The following SLC9B1 variants were observed in gnomAD, a reference collection of about 807,000 sequenced individuals.
The protein encoded by SLC9B1 is sodium/hydrogen exchanger 9B1.
SLC9B1 carries 32 observed loss-of-function variants against 51.7 expected under a neutral mutation model. The observed-to-expected ratio is 0.62, with a 90% confidence interval of 0.47 to 0.83. SLC9B1 has a LOEUF of 0.83. Ranked by LOEUF, SLC9B1 falls within the 40% of genes least tolerant of loss-of-function variation. The pLI is 0.00. For synonymous variants in SLC9B1, 145 were observed against 212.7 expected (o/e 0.68, Z 2.77); for missense variants, 406 against 613.2 (o/e 0.66, Z 3.57).
At chr4:102,955,887 AAGAAAGAAAGAAAGAG>A (rs1200104657) in intron 3 of SLC9B1, among the ~76,000 whole-genome samples, 3,248 of 144,496 alleles carry the variant, frequency 0.022, 158 homozygotes, top group African/African-American at 0.078. Context: ...GAAAGAAAGA[AAGAAAGAAAGAAAGAG>A]AGAGAAAGAC....
At position 102,911,434 on chromosome 4, in the gene SLC9B1, G is replaced by A. The variant is rs1186397713; in HGVS notation, c.933C>T (p.Asp311=). The part of the protein sequence containing the change: ...GFFVRYFPSE[D]QKKLTLKRGF... ...ATAAAATAGATTTTGTATTTACCTG[G>A]TCTTCACTTGGAAAATATCGAACAA... The change falls in exon 8 of 12, where the codon GAC becomes GAT. Residue 311 remains aspartate, a synonymous_variant. Transcript: ENST00000296422. 8 of 1,585,618 alleles carry A rather than the reference G, an allele frequency of 5.0e-6. No individual in the cohort carries two copies. Among genetic ancestry groups the A allele is most frequent in the African/African-American group, 1.3e-5 (1 of 74,468 alleles).
At chr4:102,894,270 A>G (rs1489735370) in intron 11 of SLC9B1, among the ~76,000 whole-genome samples, 1 of 152,250 alleles carries the variant, frequency 6.6e-6, no homozygotes, top group Non-Finnish European at 1.5e-5. Context: ...AAATCATGAA[A>G]CAACGTTTCA....
At chr4:102,962,715 A>T in intron 3 of SLC9B1, 1 of 470,524 alleles carries the variant, frequency 2.1e-6, no homozygotes, top group Non-Finnish European at 4.4e-6. Flanking sequence ...AGGGAGAGGG[A>T]GGTAGGAATC....
chr4:103,001,875 A>G (rs999074190), intron 1 of SLC9B1, among the ~76,000 whole-genome samples: 2 of 152,214 alleles, frequency 1.3e-5, no homozygotes, highest in Non-Finnish European at 2.9e-5. Flanking sequence ...GGTAATTTAT[A>G]AACAAAAGAG....
At chr4:102,961,741 C>T (rs1455956683) in intron 3 of SLC9B1, among the ~76,000 whole-genome samples, 2 of 151,978 alleles carry the variant, frequency 1.3e-5, no homozygotes, top group Admixed American at 1.3e-4. Flanking sequence ...ATTTATTGTA[C>T]TTTAAGTTCT....
intron 7 of SLC9B1, among the ~76,000 whole-genome samples, chr4:102,930,411 A>C (rs1232198538): frequency 6.6e-6 from 1 of 152,154 alleles, no homozygotes; most frequent in African/African-American, 2.4e-5. Context: ...ATTAAGTATT[A>C]TTTTTTAAAT....
chr4:103,018,782 C>G (rs1056554849), intron 1 of SLC9B1, among the ~76,000 whole-genome samples: 1 of 152,196 alleles, frequency 6.6e-6, no homozygotes, highest in Non-Finnish European at 1.5e-5. Flanking sequence ...TGGTCTAAAG[C>G]AGGGATCCCC....
At chr4:103,003,857 T>C (rs1459863598) in intron 1 of SLC9B1, among the ~76,000 whole-genome samples, 1 of 152,092 alleles carries the variant, frequency 6.6e-6, no homozygotes, top group East Asian at 1.9e-4. Context: ...CCTTAAAATC[T>C]TCCAGAAATG....
chr4:102,951,560 C>G (rs1381020969), intron 3 of SLC9B1, among the ~76,000 whole-genome samples: 1 of 151,352 alleles, frequency 6.6e-6, no homozygotes, highest in African/African-American at 2.4e-5. Flanking sequence ...AATAGAACAT[C>G]TAGAAAAAAC....
intron 3 of SLC9B1, among the ~76,000 whole-genome samples, chr4:102,984,754 G>T (rs1739528162): frequency 6.6e-6 from 1 of 152,046 alleles, no homozygotes; most frequent in South Asian, 2.1e-4. Flanking sequence ...TTGAATTTTT[G>T]CCTGCTGTCT....
intron 1 of SLC9B1, among the ~76,000 whole-genome samples, chr4:103,005,790 G>T (rs1343853065): frequency 6.6e-6 from 1 of 152,012 alleles, no homozygotes; most frequent in Non-Finnish European, 1.5e-5. Flanking sequence ...ATACTAAAAA[G>T]AACTCTCAAA....
chr4:102,996,788 C>T (rs1045225993), intron 1 of SLC9B1, among the ~76,000 whole-genome samples: 13 of 151,580 alleles, frequency 8.6e-5, no homozygotes, highest in Non-Finnish European at 1.8e-4. Context: ...TATGCTAGTG[C>T]TTGTATTTTT....
intron 1 of SLC9B1, among the ~76,000 whole-genome samples, chr4:103,010,936 C>G (rs749582710): frequency 2.0e-5 from 3 of 152,196 alleles, no homozygotes; most frequent in Non-Finnish European, 4.4e-5. Flanking sequence ...GTCTTTCTCA[C>G]ATATAAAACA....
At chr4:102,924,413 G>T (rs1302165772) in intron 7 of SLC9B1, among the ~76,000 whole-genome samples, 1 of 152,030 alleles carries the variant, frequency 6.6e-6, no homozygotes, top group Non-Finnish European at 1.5e-5. Context: ...AATTCAAGAT[G>T]GATTAAAGAC....
intron 3 of SLC9B1, among the ~76,000 whole-genome samples, chr4:102,949,885 C>A (rs1280033922): frequency 1.3e-5 from 2 of 151,792 alleles, no homozygotes; most frequent in South Asian, 4.2e-4. Flanking sequence ...TGCTTGAACC[C>A]GGGAGGTGGA....
chr4:102,923,247 G>A (rs181776925), intron 7 of SLC9B1, among the ~76,000 whole-genome samples: 16 of 151,408 alleles, frequency 1.1e-4, no homozygotes, highest in African/African-American at 3.9e-4. Flanking sequence ...GGGATGCAAG[G>A]CTGGTTCAAC....
At chr4:102,896,597 C>T (rs1166714513), downstream of SLC9B1, 1 of 152,178 alleles carries the variant, frequency 6.6e-6, no homozygotes, top group Admixed American at 6.5e-5. Flanking sequence ...CACAGGTGGG[C>T]ATTATTCAGA....
At chr4:102,907,538 G>T (rs1314269878) in intron 9 of SLC9B1, among the ~76,000 whole-genome samples, 1 of 152,226 alleles carries the variant, frequency 6.6e-6, no homozygotes, top group Admixed American at 6.5e-5. Context: ...TGCCTACCCA[G>T]CTTCCCTTTC....
chr4:102,905,798 T>C, intron 10 of SLC9B1, 148 bp from the exon 11 acceptor site: 1 of 724,408 alleles, frequency 1.4e-6, no homozygotes. Flanking sequence ...ACAATGATTA[T>C]AAAAAATGAA....
Sources: allele counts gnomAD v4.1 joint callset (sites outside exome capture counted in the v4.1 genomes callset), GRCh38; gene constraint gnomAD v4.1.1; transcripts MANE v1.5; gene names NCBI Gene and HGNC (gene_info 2026-07-23, HGNC 2026-07-21).